ITGBL1: variants seen among roughly 807,000 people sequenced by gnomAD.
ITGBL1 encodes integrin subunit beta like 1.
In ITGBL1, 51 loss-of-function variants were observed where a neutral mutation model predicts 68.5. The observed-to-expected ratio is 0.74, with a 90% confidence interval of 0.59 to 0.94. ITGBL1 has a LOEUF of 0.94. ITGBL1 is among the 40% of genes least tolerant of loss of function. The pLI, the probability that ITGBL1 is intolerant of heterozygous loss-of-function variation, is 0.00. For synonymous variants in ITGBL1, 209 were observed against 227.3 expected (o/e 0.92, Z 0.72); for missense variants, 649 against 647.4 (o/e 1.00, Z -0.03).
intron 2 of ITGBL1, among the ~76,000 whole-genome samples, chr13:101,491,915 G>A (rs1300331890): frequency 6.6e-6 from 1 of 152,220 alleles, no homozygotes; most frequent in East Asian, 1.9e-4. Flanking sequence ...AGTTTGCTGA[G>A]AATGGTGGTT....
chr13:101,586,063 A>G (rs539694858), intron 6 of ITGBL1, among the ~76,000 whole-genome samples: 1 of 152,232 alleles, frequency 6.6e-6, no homozygotes, highest in African/African-American at 2.4e-5. Context: ...TCCTCGTGTA[A>G]GCTTGTGTGC....
At chr13:101,647,763 T>C (rs2196467) in intron 7 of ITGBL1, among the ~76,000 whole-genome samples, 121,360 of 152,074 alleles carry the variant, frequency 0.8, 48,438 homozygotes, top group East Asian at 0.86. Flanking sequence ...TTTTGGGTCA[T>C]GACCTTGGAG....
intron 7 of ITGBL1, among the ~76,000 whole-genome samples, chr13:101,649,658 C>T (rs1264459021): frequency 6.6e-6 from 1 of 152,120 alleles, no homozygotes; most frequent in Non-Finnish European, 1.5e-5. Context: ...ATCATGATTT[C>T]TCAATTGTAT....
intron 2 of ITGBL1, among the ~76,000 whole-genome samples, chr13:101,478,425 G>A (rs2048568356): frequency 1.3e-5 from 2 of 152,038 alleles, no homozygotes; most frequent in African/African-American, 4.8e-5. Flanking sequence ...TCAAGAACAC[G>A]ATACGGATGC....
Position 101,452,786 on chromosome 13 carries a change from C to G in ITGBL1, c.-48C>G. 1.1e-5 allele frequency: 16 copies of G among 1,515,754 alleles called. 1 individual carries two copies. The Middle Eastern group carries it at 2.9e-3, about 279-fold the overall frequency. 93.9% of individuals were successfully genotyped at this position (1,515,754 alleles called of 1,614,324 possible). A position where few individuals can be genotyped will look rare whatever the true frequency, so the allele number is the denominator to read the frequency against. ...CCTCCTGCCGCCTCCCTCGGTGAAC[C>G]CCACCTTGCAGAAGTGCAGCTCGCC... On this transcript the variant is annotated 5_prime_UTR_variant, in exon 1 of 11. Transcript: ENST00000376180.
chr13:101,472,142 A>C (rs542374821), intron 2 of ITGBL1, among the ~76,000 whole-genome samples: 1 of 152,150 alleles, frequency 6.6e-6, no homozygotes, highest in Admixed American at 6.6e-5. Context: ...TTGTTTAAAA[A>C]TTTTCATGTC....
At chr13:101,561,924 G>A (rs934945914) in intron 2 of ITGBL1, among the ~76,000 whole-genome samples, 3 of 152,258 alleles carry the variant, frequency 2.0e-5, no homozygotes, top group Admixed American at 6.5e-5. Context: ...AAGTGTAATA[G>A]CATTATAGTT....
intron 2 of ITGBL1, among the ~76,000 whole-genome samples, chr13:101,511,184 C>T (rs1005477006): frequency 6.6e-6 from 1 of 151,970 alleles, no homozygotes; most frequent in Non-Finnish European, 1.5e-5. Flanking sequence ...AATAATCATT[C>T]TCTTCTACTC....
In ITGBL1 at chr13:101,624,167, G is replaced by A. The variant is rs186814837; in HGVS notation, c.1015+25868G>A. Among the ~76,000 whole-genome samples, 339 of 152,200 alleles carry A rather than the reference G, an allele frequency of 2.2e-3. 1 individual carries two copies. The highest frequency in any genetic ancestry group is 5.4e-3 in the South Asian group (26 of 4,822). On this transcript the variant is annotated intron_variant, in intron 7 of 10. Coordinates refer to ENST00000376180, the MANE Select transcript of ITGBL1 (RefSeq NM_004791.3). ...CTACCCTACCTACTGCTTTCTCTGGGCAAATTCACTTACATATGTTTTATT... is the reference window on the plus strand; with the variant it reads ...CTACCCTACCTACTGCTTTCTCTGGACAAATTCACTTACATATGTTTTATT...
chr13:101,694,275 C>T (rs1376072957), intron 8 of ITGBL1, among the ~76,000 whole-genome samples: 1 of 152,060 alleles, frequency 6.6e-6, no homozygotes, highest in Non-Finnish European at 1.5e-5. Context: ...TTGTTAAGGA[C>T]ATGACATATA....
At chr13:101,686,943 C>T (rs978361261) in intron 7 of ITGBL1, among the ~76,000 whole-genome samples, 5 of 151,874 alleles carry the variant, frequency 3.3e-5, no homozygotes, top group African/African-American at 1.2e-4. Context: ...GAAAATTGGG[C>T]TTAAGGTTAG....
intron 7 of ITGBL1, among the ~76,000 whole-genome samples, chr13:101,632,220 A>G (rs1288211260): frequency 2.6e-5 from 4 of 152,128 alleles, no homozygotes; most frequent in African/African-American, 9.7e-5. Flanking sequence ...AAATAATACA[A>G]AGGTAAACAA....
At chr13:101,554,230 T>G (rs1289627722) in intron 2 of ITGBL1, among the ~76,000 whole-genome samples, 1 of 152,180 alleles carries the variant, frequency 6.6e-6, no homozygotes, top group Non-Finnish European at 1.5e-5. Context: ...ATATGAATTG[T>G]AGGAGGACAC....
At chr13:101,646,474 T>C (rs1381483299) in intron 7 of ITGBL1, among the ~76,000 whole-genome samples, 1 of 152,158 alleles carries the variant, frequency 6.6e-6, no homozygotes, top group Admixed American at 6.5e-5. Context: ...TTTGGAAATA[T>C]GAAACTTTTT....
intron 6 of ITGBL1, among the ~76,000 whole-genome samples, chr13:101,585,639 C>G (rs1308056032): frequency 6.6e-6 from 1 of 152,002 alleles, no homozygotes; most frequent in Admixed American, 6.6e-5. Flanking sequence ...ACTGTGTTAG[C>G]CAGGATGGTC....
chr13:101,506,250 G>A (rs548589002), intron 2 of ITGBL1, among the ~76,000 whole-genome samples: 76 of 152,146 alleles, frequency 5.0e-4, no homozygotes, highest in South Asian at 2.7e-3. Flanking sequence ...AAGACCAGGA[G>A]GCATATCTCT....
At chr13:101,718,162 A>C (rs1263752749), downstream of ITGBL1, 1 of 152,150 alleles carries the variant, frequency 6.6e-6, no homozygotes, top group Non-Finnish European at 1.5e-5. Flanking sequence ...CTAAACTCTA[A>C]GGAATGCTTT....
chr13:101,709,342 G>A (rs191622086), intron 9 of ITGBL1, among the ~76,000 whole-genome samples: 8 of 127,434 alleles, frequency 6.3e-5, no homozygotes, highest in East Asian at 2.5e-4. Flanking sequence ...TCCGCAGTCC[G>A]GCCTGGGTGA....
chr13:101,637,390 C>G (rs922571137), intron 7 of ITGBL1, among the ~76,000 whole-genome samples: 1 of 144,816 alleles, frequency 6.9e-6, no homozygotes, highest in Non-Finnish European at 1.5e-5. Flanking sequence ...GTCACCCAGG[C>G]TAGAGTGCAG....
Sources: gnomAD v4.1 joint callset for allele counts (sites outside exome capture counted in the v4.1 genomes callset) on GRCh38, gnomAD v4.1.1 for gene constraint, MANE v1.5 for transcripts, NCBI Gene and HGNC (gene_info 2026-07-23, HGNC 2026-07-21) for gene names.